ABCC6: variants seen among roughly 807,000 people sequenced by gnomAD.
ABCC6 encodes ATP binding cassette subfamily C member 6, also known as ATP-binding cassette sub-family C member 6.
A neutral mutation model predicts 169.5 loss-of-function variants in ABCC6; 126 were observed. The observed-to-expected ratio is 0.74, with a 90% confidence interval of 0.64 to 0.86. ABCC6 has a LOEUF of 0.86. Among genes scored for constraint, ABCC6 ranks in the 40% least tolerant of loss-of-function variants. The probability of loss-of-function intolerance (pLI) is 0.00; values close to 1 mark genes in which losing one functional copy is unlikely to be tolerated. For missense variants in ABCC6, 1,733 were observed against 1,927.2 expected (o/e 0.90, Z 1.89); for synonymous variants, 752 against 814.7 (o/e 0.92, Z 1.31).
intron 12 of ABCC6, 102 bp from the exon 13 acceptor site, chr16:16,189,076 C>A: frequency 7.4e-7 from 1 of 1,354,758 alleles, no homozygotes; most frequent in East Asian, 2.3e-5. Context: ...GTGGCCCACC[C>A]GCCATGTCCG....
intron 9 of ABCC6, among the ~76,000 whole-genome samples, chr16:16,199,242 G>A (rs773383368): frequency 2.0e-5 from 3 of 148,060 alleles, no homozygotes; most frequent in Non-Finnish European, 4.5e-5. Context: ...GTTAAATTAA[G>A]ACATGTAAGA....
rs772955656 is a variant in ABCC6, at chr16:16,202,040, C to T, written c.1137G>A (p.Met379Ile). ...QNMYRLKVLQ[M>I]RLRSAITGLV... Reference sequence around the variant, plus strand: ...GGCCAGTGATGGCCGACCGCAACCTCATCTGCAGCACCTTGAGCCTGTACA... The same window carrying T: ...GGCCAGTGATGGCCGACCGCAACCTTATCTGCAGCACCTTGAGCCTGTACA... Residue 379 changes from methionine (M) to isoleucine (I), a missense_variant, in exon 9 of 31, where the codon ATG becomes ATA. Around this residue, in one of 5 missense-constraint regions of ABCC6, gnomAD observed 1,601 missense variants for 1,635.5 expected, o/e 0.98. Coordinates refer to ENST00000205557, the MANE Select transcript of ABCC6 (RefSeq NM_001171.6). The T allele has an allele frequency of 1.2e-6, 2 of 1,613,904 alleles. No individual in the cohort carries two copies. The highest frequency in any genetic ancestry group is 1.7e-5 in the Admixed American group (1 of 59,996).
chr16:16,202,617 G>A (rs1328733710), intron 8 of ABCC6, among the ~76,000 whole-genome samples: 3 of 151,804 alleles, frequency 2.0e-5, no homozygotes, highest in African/African-American at 7.3e-5. Flanking sequence ...GAGACACCAG[G>A]GGGCGCAAAC....
intron 10 of ABCC6, among the ~76,000 whole-genome samples, chr16:16,196,073 T>C (rs9927246): frequency 0.54 from 82,363 of 151,724 alleles, 23,935 homozygotes; most frequent in Non-Finnish European, 0.66. Flanking sequence ...AGCCAGATGT[T>C]GTGGTGCACG....
Position 16,203,547 on chromosome 16 carries a change from G to A in ABCC6, c.861C>T (p.Pro287=), listed in dbSNP as rs766642486. 1 of 1,614,040 alleles carries A rather than the reference G, an allele frequency of 6.2e-7. No homozygotes were observed. Residue 287 remains proline (P), a synonymous_variant, in exon 8 of 31, where the codon CCC becomes CCT. Coordinates refer to ENST00000205557, the MANE Select transcript of ABCC6 (RefSeq NM_001171.6). ...GSGMKAPETE[P]FLRQEGSQWR... ...ACTGGCTCCCTTCTTGCCGTAGGAA[G>A]GGCTCGGTCTCTGGAGCCTTCATGC...
chr16:16,160,628 C>CAA (rs34511090), intron 25 of ABCC6, among the ~76,000 whole-genome samples: 24,299 of 76,080 alleles, frequency 0.32, 5,525 homozygotes, highest in Non-Finnish European at 0.39. Context: ...CTGTTTCTAC[C>CAA]AAAAAAAAAA....
intron 9 of ABCC6, among the ~76,000 whole-genome samples, chr16:16,201,012 G>C (rs1194769209): frequency 6.6e-6 from 1 of 152,120 alleles, no homozygotes; most frequent in South Asian, 2.1e-4. Context: ...TCTTACCCAG[G>C]CTGCGCTGTA....
intron 18 of ABCC6, among the ~76,000 whole-genome samples, chr16:16,178,391 G>A (rs1026861583): frequency 6.6e-6 from 1 of 152,094 alleles, no homozygotes; most frequent in African/African-American, 2.4e-5. Context: ...GCTGGGGGTT[G>A]GGGTGGGGGT....
At chr16:16,197,621 G>A (rs1172565851) in intron 10 of ABCC6, among the ~76,000 whole-genome samples, 1 of 147,208 alleles carries the variant, frequency 6.8e-6, no homozygotes, top group Non-Finnish European at 1.5e-5. Flanking sequence ...GGAGGGGGAA[G>A]GAGGAAAAGG....
intron 22 of ABCC6, 76 bp downstream of exon 22, chr16:16,169,570 G>T: frequency 6.5e-7 from 1 of 1,533,794 alleles, no homozygotes; most frequent in Non-Finnish European, 8.9e-7. Context: ...ACCCAGGGAG[G>T]GGTGGGGTAA....
Position 16,173,342 on chromosome 16 carries a change from A to T in ABCC6, c.2729T>A (p.Leu910Gln). Residue 910 changes from leucine to glutamine, a missense_variant, in exon 21 of 31, where the codon CTG (leucine) becomes CAG (glutamine). Leu to Gln is a moderately radical substitution (Grantham distance 113). Transcript: ENST00000205557. ...TTSEAQTEVP[L>Q]DDPDRAGWPA... is the part of the protein sequence containing the mutation. ...CCATCCTGCCCTGTCAGGGTCATCCAGAGGAACCTCTGTCTGGGCTTCTGA... is the reference window on the plus strand; with the variant it reads ...CCATCCTGCCCTGTCAGGGTCATCCTGAGGAACCTCTGTCTGGGCTTCTGA... The T allele has an allele frequency of 6.2e-7, 1 of 1,614,118 alleles. No homozygotes were observed. The highest frequency in any genetic ancestry group is 8.5e-7 in the Non-Finnish European group (1 of 1,180,020).
intron 4 of ABCC6, among the ~76,000 whole-genome samples, chr16:16,217,325 C>T (rs1038439940): frequency 8.5e-5 from 13 of 152,126 alleles, no homozygotes; most frequent in African/African-American, 2.4e-4. Context: ...GAGATGAACT[C>T]GGGCTCTGCA....
chr16:16,209,447 A>G (rs1042850850), intron 6 of ABCC6, among the ~76,000 whole-genome samples: 2 of 152,138 alleles, frequency 1.3e-5, no homozygotes, highest in Non-Finnish European at 2.9e-5. Flanking sequence ...TATTTTACAG[A>G]TGGGGAAGGA....
chr16:16,172,565 G>T (rs1338119694), intron 21 of ABCC6, among the ~76,000 whole-genome samples: 1 of 151,432 alleles, frequency 6.6e-6, no homozygotes, highest in African/African-American at 2.4e-5. Flanking sequence ...GGGATGGATA[G>T]GTGGGTGGGT....
At chr16:16,185,530 T>C (rs2047627335) in intron 14 of ABCC6, among the ~76,000 whole-genome samples, 1 of 152,170 alleles carries the variant, frequency 6.6e-6, no homozygotes, top group African/African-American at 2.4e-5. Flanking sequence ...ATGCCTGTAA[T>C]CCCAGCACTT....
intron 2 of ABCC6, among the ~76,000 whole-genome samples, chr16:16,220,840 T>G (rs1239990121): frequency 6.7e-6 from 1 of 149,948 alleles, no homozygotes; most frequent in Non-Finnish European, 1.5e-5. Context: ...GAGGTTGCAG[T>G]GAGCCGAGAT....
chr16:16,162,866 T>C, intron 24 of ABCC6, 127 bp downstream of exon 24: 1 of 1,227,298 alleles, frequency 8.1e-7, no homozygotes, highest in African/African-American at 1.5e-5. Flanking sequence ...AGACTGCCTG[T>C]GGGATCTAGC....
At chr16:16,203,325 C>A in intron 8 of ABCC6, 85 bp downstream of exon 8, 9 of 1,588,114 alleles carry the variant, frequency 5.7e-6, no homozygotes, top group Non-Finnish European at 7.7e-6. Context: ...TAGGCAGAGG[C>A]AGGAGAGCTG....
intron 17 of ABCC6, 63 bp downstream of exon 17, chr16:16,182,348 CG>C (rs2047503660): frequency 6.3e-7 from 1 of 1,589,562 alleles, no homozygotes; most frequent in South Asian, 1.1e-5. Flanking sequence ...CATGATGAGT[CG>C]GGGACCCAAA....
Sources: allele counts gnomAD v4.1 joint callset (sites outside exome capture counted in the v4.1 genomes callset), GRCh38; gene constraint gnomAD v4.1.1; regional missense constraint gnomAD v4.1.1; transcripts MANE v1.5; gene names NCBI Gene and HGNC (gene_info 2026-07-23, HGNC 2026-07-21).